VIL1: variants seen among roughly 807,000 people sequenced by gnomAD.
VIL1 encodes the protein villin 1.
A neutral mutation model predicts 104.0 loss-of-function variants in VIL1; 86 were observed. That is an observed-to-expected ratio of 0.83 (90% CI 0.69 to 0.99). VIL1 has a LOEUF of 0.99. Among genes scored for constraint, VIL1 ranks in the 50% least tolerant of loss-of-function variants. The pLI, the probability that VIL1 is intolerant of heterozygous loss-of-function variation, is 0.00. For synonymous variants in VIL1, 394 were observed against 412.6 expected (o/e 0.95, Z 0.55); for missense variants, 944 against 1,054.1 (o/e 0.90, Z 1.45).
In VIL1 at chr2:218,440,817, G is replaced by A. The variant is rs773292989; in HGVS notation, c.2325G>A (p.Lys775=). The change falls in exon 19 of 20, where the codon AAG becomes AAA. Residue 775 remains lysine (K), a synonymous_variant. Coordinates refer to ENST00000248444, the MANE Select transcript of VIL1 (RefSeq NM_007127.3). ...TCCCCCTGGAGCAGCTAGTGAACAAGCCTGTAGAGGAGCTCCCCGAGGGTG... is the reference window on the plus strand; with the variant it reads ...TCCCCCTGGAGCAGCTAGTGAACAAACCTGTAGAGGAGCTCCCCGAGGGTG... ...PIFPLEQLVN[K]PVEELPEGVD... The A allele has an allele frequency of 1.2e-6, 2 of 1,614,184 alleles. No homozygotes were observed. Among genetic ancestry groups the A allele is most frequent in the East Asian group, 2.2e-5 (1 of 44,880 alleles).
At chr2:218,440,988 A>G (rs1689275444) in intron 19 of VIL1, 126 bp downstream of exon 19, 4 of 1,085,130 alleles carry the variant, frequency 3.7e-6, no homozygotes, top group Non-Finnish European at 5.3e-6. Context: ...TCCTGCCTTC[A>G]TGCCACCTTA....
intron 19 of VIL1, among the ~76,000 whole-genome samples, chr2:218,444,034 C>T (rs1344333471): frequency 2.0e-5 from 3 of 150,924 alleles, no homozygotes; most frequent in African/African-American, 4.9e-5. Context: ...GGTACAATCT[C>T]GGCTCACTGC....
chr2:218,438,141 G>T (rs1220235453), intron 17 of VIL1, among the ~76,000 whole-genome samples: 1 of 151,614 alleles, frequency 6.6e-6, no homozygotes, highest in Non-Finnish European at 1.5e-5. Context: ...TCAAGTGTGT[G>T]CTGGCTTCTC....
intron 19 of VIL1, among the ~76,000 whole-genome samples, chr2:218,448,937 G>A (rs969807001): frequency 1.3e-5 from 2 of 151,836 alleles, no homozygotes; most frequent in African/African-American, 2.4e-5. Flanking sequence ...ACCAGGAGGC[G>A]GAGGTTGCAG....
In VIL1 at chr2:218,425,642, T is replaced by C. The variant is rs749153935; in HGVS notation, c.178T>C (p.Tyr60His). ...CCACAAGACAGCCAGCAGCCTGTCCTATGACATCCACTACTGGATTGGCCA... is the reference window on the plus strand; with the variant it reads ...CCACAAGACAGCCAGCAGCCTGTCCCATGACATCCACTACTGGATTGGCCA... ...AIHKTASSLS[Y>H]DIHYWIGQDS... The change falls in exon 4 of 20, where the codon TAT becomes CAT. Residue 60 changes from tyrosine (Y) to histidine (H), a missense_variant. Physicochemically the swap from Tyr to His is moderately conservative, Grantham distance 83 (BLOSUM62 2). Transcript: ENST00000248444. 6.2e-7 allele frequency: 1 copy of C among 1,614,126 alleles called. No homozygotes were observed.
rs749768105 is a variant in VIL1, at chr2:218,431,827, C to G, written c.1103-30C>G. 1.3e-5 allele frequency: 20 copies of G among 1,590,000 alleles called. 1 individual carries two copies. The South Asian group carries it at 2.3e-4, about 18-fold the overall frequency. On this transcript the variant is annotated intron_variant, in intron 10 of 19. Coordinates refer to ENST00000248444, the MANE Select transcript of VIL1 (RefSeq NM_007127.3). ...GGACCTGGGAGACCTCAGCTGGTGACAGTTGGTTTCATGATTTCCCCCACT... is the reference window on the plus strand; with the variant it reads ...GGACCTGGGAGACCTCAGCTGGTGAGAGTTGGTTTCATGATTTCCCCCACT...
intron 1 of VIL1, among the ~76,000 whole-genome samples, chr2:218,421,986 G>C (rs1688904820): frequency 6.6e-6 from 1 of 152,174 alleles, no homozygotes; most frequent in Non-Finnish European, 1.5e-5. Context: ...CGGCGCGGTG[G>C]CTCACGCCTG....
chr2:218,448,030 C>T (rs1433483340), intron 19 of VIL1, among the ~76,000 whole-genome samples: 1 of 151,886 alleles, frequency 6.6e-6, no homozygotes, highest in Non-Finnish European at 1.5e-5. Flanking sequence ...GAGGCCAAGA[C>T]GGGTGGACTG....
In VIL1 at chr2:218,429,964, G is replaced by C; in HGVS notation, c.948+17G>C. The C allele has an allele frequency of 1.4e-6, 2 of 1,442,412 alleles. No individual in the cohort carries two copies. Among genetic ancestry groups the C allele is most frequent in the African/African-American group, 2.8e-5 (2 of 71,514 alleles). The allele number at this position is 1,442,412 out of a possible 1,614,324, so 89.4% of individuals were successfully genotyped here. A position where few individuals can be genotyped will look rare whatever the true frequency, so the allele number is the denominator to read the frequency against. ...CATGCGCTGGTAGTGGTGGGGGCGGGGGAGGGTCCAGGAGGAGGGCAGAGT... is the reference window on the plus strand; with the variant it reads ...CATGCGCTGGTAGTGGTGGGGGCGGCGGAGGGTCCAGGAGGAGGGCAGAGT... On this transcript the variant is annotated intron_variant, in intron 9 of 19. Coordinates refer to ENST00000248444, the MANE Select transcript of VIL1 (RefSeq NM_007127.3).
At chr2:218,429,971 T>TGGGC in intron 9 of VIL1, 24 bp downstream of exon 9, 1 of 1,373,054 alleles carries the variant, frequency 7.3e-7, no homozygotes, top group Non-Finnish European at 1.0e-6. Context: ...CGGGGGAGGG[T>TGGGC]CCAGGAGGAG....
In VIL1 at chr2:218,428,351, T is replaced by G. The variant is rs1336834383; in HGVS notation, c.567+14T>G. On this transcript the variant is annotated intron_variant, in intron 6 of 19. Transcript: ENST00000248444. ...GAGAGACTCAGGGTAAACCTGCCCATGCACCACACCTCCCTCTCGAATCCT... is the reference window on the plus strand; with the variant it reads ...GAGAGACTCAGGGTAAACCTGCCCAGGCACCACACCTCCCTCTCGAATCCT... The G allele has an allele frequency of 3.7e-6, 6 of 1,607,384 alleles. No individual in the cohort carries two copies. Among genetic ancestry groups the G allele is most frequent in the Non-Finnish European group, 5.1e-6 (6 of 1,173,916 alleles).
Position 218,437,229 on chromosome 2 carries a change from A to AC in VIL1, c.2082dup (p.Ile695HisfsTer27). 1 of 1,614,100 alleles carries AC rather than the reference A, an allele frequency of 6.2e-7. No individual in the cohort carries two copies. The highest frequency in any genetic ancestry group is 8.5e-7 in the Non-Finnish European group (1 of 1,180,014). On this transcript the variant is annotated frameshift_variant, in exon 17 of 20. Coordinates refer to ENST00000248444, the MANE Select transcript of VIL1 (RefSeq NM_007127.3). LOFTEE classifies it high-confidence loss of function. ...CCATCCCAGCGGGCGTGACCCTGAG[A>AC]CCCCCATCATTGTGGTGAAGCAGGG...
chr2:218,448,893 T>G (rs1689415600), intron 19 of VIL1, among the ~76,000 whole-genome samples: 1 of 151,684 alleles, frequency 6.6e-6, no homozygotes. Flanking sequence ...TAATCTCAGC[T>G]ACTTGGGAGG....
chr2:218,427,037 A>T (rs1689014151), intron 4 of VIL1, among the ~76,000 whole-genome samples: 4 of 152,176 alleles, frequency 2.6e-5, no homozygotes, highest in Admixed American at 2.6e-4. Context: ...GGCATGAGCT[A>T]CCACTCCCAG....
intron 19 of VIL1, among the ~76,000 whole-genome samples, chr2:218,441,246 A>G (rs1689279207): frequency 6.6e-6 from 1 of 151,874 alleles, no homozygotes; most frequent in African/African-American, 2.4e-5. Flanking sequence ...AAAATTAGCC[A>G]GGTGTGGTGG....
Position 218,429,961 on chromosome 2 carries a change from C to T in VIL1, c.948+14C>T, listed in dbSNP as rs749981361. On this transcript the variant is annotated intron_variant, in intron 9 of 19. Coordinates refer to ENST00000248444, the MANE Select transcript of VIL1 (RefSeq NM_007127.3). ...AGCCATGCGCTGGTAGTGGTGGGGG[C>T]GGGGGAGGGTCCAGGAGGAGGGCAG... 44 of 651,068 alleles carry T rather than the reference C, an allele frequency of 6.8e-5. No homozygotes were observed. Among genetic ancestry groups the T allele is most frequent in the South Asian group, 3.4e-4 (16 of 47,014 alleles). 40.3% of individuals were successfully genotyped at this position (651,068 alleles called of 1,614,324 possible). A position where few individuals can be genotyped will look rare whatever the true frequency, so the allele number is the denominator to read the frequency against.
intron 1 of VIL1, among the ~76,000 whole-genome samples, chr2:218,420,428 C>CAAAAAAAAAAAAAAAA (rs71064447): frequency 1.2e-5 from 1 of 80,218 alleles, no homozygotes; most frequent in Non-Finnish European, 2.3e-5. Context: ...GACTCTGTCT[C>CAAAAAAAAAAAAAAAA]AAAAAAAAAA....
intron 4 of VIL1, 122 bp downstream of exon 4, chr2:218,425,933 C>CA (rs1272482105): frequency 3.7e-6 from 4 of 1,077,604 alleles, no homozygotes; most frequent in Non-Finnish European, 5.1e-6. Flanking sequence ...ACACTTGGAG[C>CA]AGGGGGAGGT....
At chr2:218,424,235 G>C (rs1376462955) in intron 2 of VIL1, 42 bp from the exon 3 acceptor site, 1 of 1,589,756 alleles carries the variant, frequency 6.3e-7, no homozygotes, top group Non-Finnish European at 8.6e-7. Flanking sequence ...TAGGGGTCCT[G>C]GTGGTCCAGG....
Sources: allele counts gnomAD v4.1 joint callset (sites outside exome capture counted in the v4.1 genomes callset), GRCh38; gene constraint gnomAD v4.1.1; transcripts MANE v1.5; gene names NCBI Gene and HGNC (gene_info 2026-07-23, HGNC 2026-07-21).